FAM107B: variants seen among roughly 807,000 people sequenced by gnomAD.
FAM107B encodes protein FAM107B.
FAM107B carries 21 observed loss-of-function variants against 31.5 expected under a neutral mutation model. The ratio of observed to expected loss-of-function variants is 0.67; its 90% confidence interval spans 0.47 to 0.96. The LOEUF is 0.96. Ranked by LOEUF, FAM107B falls within the 40% of genes least tolerant of loss-of-function variation. The probability of loss-of-function intolerance (pLI) is 0.00; values close to 1 mark genes in which losing one functional copy is unlikely to be tolerated. For missense variants in FAM107B, 452 were observed against 377.1 expected (o/e 1.20, Z -1.64); for synonymous variants, 157 against 141.5 (o/e 1.11, Z -0.78).
At chr10:14,728,982 T>C (rs182818353) in intron 1 of FAM107B, among the ~76,000 whole-genome samples, 2 of 152,212 alleles carry the variant, frequency 1.3e-5, no homozygotes, top group East Asian at 3.9e-4. Context: ...CTCTTCAAGT[T>C]AGATAGATAT....
At chr10:14,750,689 G>A (rs545949850) in intron 1 of FAM107B, among the ~76,000 whole-genome samples, 1 of 152,348 alleles carries the variant, frequency 6.6e-6, no homozygotes, top group African/African-American at 2.4e-5. Context: ...GCTCATGCCT[G>A]TAACCCTGGC....
Position 14,667,669 on chromosome 10 carries a change from G to A in FAM107B, c.434C>T (p.Pro145Leu), listed in dbSNP as rs1854440142. The A allele has an allele frequency of 1.9e-6, 3 of 1,614,018 alleles. No individual in the cohort carries two copies. The highest frequency in any genetic ancestry group is 2.7e-5 in the African/African-American group (2 of 74,912). Reference sequence around the variant, plus strand: ...TTTCTGCTCCAGCTCGAGGCATTTAGGTTCTTCTCGAAATTCTTCTTCCTA... The same window carrying A: ...TTTCTGCTCCAGCTCGAGGCATTTAAGTTCTTCTCGAAATTCTTCTTCCTA... ...TPKEEEFREEPKCLELEQKMT... is the reference protein window; with the variant it reads ...TPKEEEFREELKCLELEQKMT... The change falls in exon 2 of 5, where the codon CCT becomes CTT. Residue 145 changes from proline (P) to leucine (L), a missense_variant. Physicochemically the swap from Pro to Leu is moderately conservative, Grantham distance 98. Coordinates refer to ENST00000181796, the MANE Select transcript of FAM107B (RefSeq NM_031453.4).
intron 1 of FAM107B, among the ~76,000 whole-genome samples, chr10:14,700,123 G>A (rs1042303134): frequency 6.6e-6 from 1 of 152,022 alleles, no homozygotes; most frequent in African/African-American, 2.4e-5. Context: ...AGTAGAGACT[G>A]GGTTTCACCA....
intron 2 of FAM107B, chr10:14,553,401 A>C (rs930741906): frequency 8.0e-7 from 1 of 1,255,862 alleles, no homozygotes; most frequent in Non-Finnish European, 1.0e-6. Flanking sequence ...TAAAAAAAAA[A>C]CATAGTGAAA....
chr10:14,632,919 C>T (rs952801661), intron 2 of FAM107B, among the ~76,000 whole-genome samples: 2 of 152,050 alleles, frequency 1.3e-5, no homozygotes, highest in African/African-American at 2.4e-5. Context: ...CAGCTGGAGG[C>T]CAGGCACAGT....
chr10:14,572,739 T>TATATATATATATATATA (rs1554835533), intron 2 of FAM107B, among the ~76,000 whole-genome samples: 1 of 92,002 alleles, frequency 1.1e-5, no homozygotes, highest in African/African-American at 3.8e-5. Context: ...AAAAAAAAAT[T>TATATATATATATATATA]TATATATATA....
At chr10:14,766,951 A>G (rs1833174495) in intron 1 of FAM107B, among the ~76,000 whole-genome samples, 1 of 144,436 alleles carries the variant, frequency 6.9e-6, no homozygotes. Flanking sequence ...TCTATAAAGC[A>G]AGCACTAACC....
intron 2 of FAM107B, among the ~76,000 whole-genome samples, chr10:14,584,329 G>A (rs1399125453): frequency 6.6e-6 from 1 of 152,316 alleles, no homozygotes; most frequent in Non-Finnish European, 1.5e-5. Flanking sequence ...AAAACGCAGT[G>A]TATAACCAAG....
intron 1 of FAM107B, among the ~76,000 whole-genome samples, chr10:14,720,474 G>T (rs1043923581): frequency 6.6e-6 from 1 of 152,222 alleles, no homozygotes; most frequent in East Asian, 1.9e-4. Context: ...GGCTGGTCTC[G>T]AACTCCTGAC....
At chr10:14,554,159 G>C in intron 2 of FAM107B, 1 of 985,284 alleles carries the variant, frequency 1.0e-6, no homozygotes, top group Non-Finnish European at 1.2e-6. Context: ...GTTAGAAATG[G>C]GCTTTTTCTT....
intron 1 of FAM107B, among the ~76,000 whole-genome samples, chr10:14,721,895 G>A (rs1855920425): frequency 6.6e-6 from 1 of 152,052 alleles, no homozygotes; most frequent in African/African-American, 2.4e-5. Flanking sequence ...ATTGCTTTTG[G>A]TGTTTTAGAC....
chr10:14,627,725 A>T (rs1430392933), intron 2 of FAM107B, among the ~76,000 whole-genome samples: 2 of 152,184 alleles, frequency 1.3e-5, no homozygotes, highest in Non-Finnish European at 2.9e-5. Context: ...GTGAGCGAGG[A>T]TCACACATCT....
rs1210261469 is a variant in FAM107B at position 14,628,123 on chromosome 10, T to G, written c.469+39511A>C. ...TTTTTGTTTTGCTGGTTTTTTTTTT[T>G]TTTTTTTTTTGAGATGGAGTTTCGC... On this transcript the variant is annotated intron_variant, in intron 2 of 4. Transcript: ENST00000181796. 6.4e-4 allele frequency among the ~76,000 whole-genome samples: 88 copies of G among 137,672 alleles called. 7 individuals are homozygous for G. In the South Asian group the frequency reaches 0.023, roughly 35 times the overall value. 90.3% of individuals were successfully genotyped at this position (137,672 alleles called of 152,430 possible).
At chr10:14,529,007 A>G (rs1209126997) in intron 3 of FAM107B, among the ~76,000 whole-genome samples, 1 of 152,206 alleles carries the variant, frequency 6.6e-6, no homozygotes, top group Non-Finnish European at 1.5e-5. Context: ...TTTATAGATA[A>G]GGGAACTGAG....
rs150120830 is a variant in FAM107B, at chr10:14,660,682, T to C, written c.469+6952A>G. Among the ~76,000 whole-genome samples, 695 of 152,350 alleles carry C rather than the reference T, an allele frequency of 4.6e-3. 6 individuals carry two copies. The highest frequency in any genetic ancestry group is 0.015 in the African/African-American group (611 of 41,586). Reference sequence around the variant, plus strand: ...TATTCAATACCAATGCTTTTGTATATTGCATGTGGTATATGTGCATGGTGC... The same window carrying C: ...TATTCAATACCAATGCTTTTGTATACTGCATGTGGTATATGTGCATGGTGC... On this transcript the variant is annotated intron_variant, in intron 2 of 4. Coordinates refer to ENST00000181796, the MANE Select transcript of FAM107B (RefSeq NM_031453.4).
chr10:14,579,470 G>C (rs1851565150), intron 2 of FAM107B, among the ~76,000 whole-genome samples: 2 of 152,324 alleles, frequency 1.3e-5, no homozygotes, highest in South Asian at 4.1e-4. Context: ...GAGGAAACCA[G>C]TGAGAGGGTC....
chr10:14,774,736 T>G lies in FAM107B; in HGVS notation c.-73A>C, dbSNP rs1833384222. ...CCAGGGGTCCACATCACCTCCACTT[T>G]GCTTATAGGAACTCTTTCCAATTGC... is the stretch of plus-strand genomic sequence containing the variant. On this transcript the variant is annotated 5_prime_UTR_variant, in exon 1 of 5. Transcript: ENST00000181796. 6.8e-6 allele frequency: 10 copies of G among 1,480,344 alleles called. No individual in the cohort carries two copies. The highest frequency in any genetic ancestry group is 9.2e-6 in the Non-Finnish European group (10 of 1,089,318). The allele number at this position is 1,480,344 out of a possible 1,614,324, so 91.7% of individuals were successfully genotyped here.
chr10:14,527,303 C>A (rs922836102), intron 3 of FAM107B, among the ~76,000 whole-genome samples: 3 of 152,038 alleles, frequency 2.0e-5, no homozygotes, highest in African/African-American at 7.2e-5. Context: ...AGACTTTTAA[C>A]CTGAAACTAA....
chr10:14,584,179 A>T (rs1851748604), intron 2 of FAM107B, among the ~76,000 whole-genome samples: 2 of 152,216 alleles, frequency 1.3e-5, no homozygotes, highest in Non-Finnish European at 2.9e-5. Context: ...TCTGGGTCTG[A>T]TCTGGGTAGC....
Sources: gnomAD v4.1 joint callset for allele counts (sites outside exome capture counted in the v4.1 genomes callset) on GRCh38, gnomAD v4.1.1 for gene constraint, MANE v1.5 for transcripts, NCBI Gene and HGNC (gene_info 2026-07-23, HGNC 2026-07-21) for gene names.